Variants in SPHKAP observed in about 807,000 individuals in gnomAD.
SPHKAP encodes the protein SPHK1 interactor, AKAP domain containing, also known as A-kinase anchor protein SPHKAP.
Under a neutral mutation model 137.5 loss-of-function variants are expected in SPHKAP, and 67 were observed. The observed-to-expected ratio is 0.49, with a 90% CI of 0.40 to 0.60. The LOEUF is 0.60. SPHKAP is among the 20% of genes least tolerant of loss of function. The pLI, the probability that SPHKAP is intolerant of heterozygous loss-of-function variation, is 0.00. For missense variants in SPHKAP, 2,097 were observed against 2,069.3 expected (o/e 1.01, Z -0.26); for synonymous variants, 813 against 785.3 (o/e 1.04, Z -0.59).
At chr2:228,140,814 C>T (rs982923064) in intron 1 of SPHKAP, among the ~76,000 whole-genome samples, 10 of 152,094 alleles carry the variant, frequency 6.6e-5, no homozygotes, top group African/African-American at 2.4e-4. Context: ...CCCCCTCTCG[C>T]TCTCTTCTGC....
intron 3 of SPHKAP, among the ~76,000 whole-genome samples, chr2:228,093,567 A>C (rs1047641521): frequency 5.9e-5 from 9 of 152,296 alleles, no homozygotes; most frequent in African/African-American, 2.2e-4. Flanking sequence ...AAATGTATGT[A>C]AAGAGAAAAT....
intron 3 of SPHKAP, among the ~76,000 whole-genome samples, chr2:228,092,518 CA>C (rs1461776416): frequency 1.5e-5 from 1 of 67,370 alleles, no homozygotes; most frequent in Non-Finnish European, 2.9e-5. Context: ...ATATATGTGC[CA>C]TATATATGTA....
chr2:228,021,687 A>AG, intron 6 of SPHKAP, 24 bp downstream of exon 6: 1 of 1,567,062 alleles, frequency 6.4e-7, no homozygotes, highest in Non-Finnish European at 8.6e-7. Flanking sequence ...TAATTTCAGG[A>AG]GGCACTAATT....
chr2:228,024,003 G>T (rs937167122), intron 5 of SPHKAP, among the ~76,000 whole-genome samples: 1 of 152,136 alleles, frequency 6.6e-6, no homozygotes, highest in African/African-American at 2.4e-5. Context: ...TTCCTTGTGG[G>T]AGGAGCTTGT....
At chr2:228,011,576 G>A (rs1306448623) in intron 7 of SPHKAP, among the ~76,000 whole-genome samples, 2 of 152,168 alleles carry the variant, frequency 1.3e-5, no homozygotes, top group Non-Finnish European at 2.9e-5. Context: ...ATAGAAATGA[G>A]GGTAAATCAT....
chr2:228,092,548 A>G (rs1361968513), intron 3 of SPHKAP, among the ~76,000 whole-genome samples: 3 of 107,956 alleles, frequency 2.8e-5, no homozygotes, highest in Non-Finnish European at 3.9e-5. Flanking sequence ...TGTGCCATAT[A>G]TATGTGTATA....
At chr2:228,169,167 T>C (rs193028574) in intron 1 of SPHKAP, among the ~76,000 whole-genome samples, 1 of 152,282 alleles carries the variant, frequency 6.6e-6, no homozygotes, top group East Asian at 1.9e-4. Context: ...CAGCAAGTGC[T>C]GATGGAGAAG....
intron 3 of SPHKAP, among the ~76,000 whole-genome samples, chr2:228,035,130 C>G (rs1433820162): frequency 8.9e-5 from 13 of 146,882 alleles, no homozygotes; most frequent in Non-Finnish European, 1.8e-4. Flanking sequence ...ATCTAGAAAA[C>G]CCCATTGTCT....
At chr2:228,005,789 T>C (rs1471404466) in intron 7 of SPHKAP, among the ~76,000 whole-genome samples, 1 of 152,198 alleles carries the variant, frequency 6.6e-6, no homozygotes, top group Non-Finnish European at 1.5e-5. Flanking sequence ...TAAAGTATTT[T>C]ATTTCTCCTT....
intron 1 of SPHKAP, among the ~76,000 whole-genome samples, chr2:228,139,382 A>T (rs1259739793): frequency 6.6e-6 from 1 of 152,172 alleles, no homozygotes; most frequent in African/African-American, 2.4e-5. Context: ...ATTAGAAAAG[A>T]CAATCAAATA....
intron 7 of SPHKAP, among the ~76,000 whole-genome samples, chr2:227,999,956 C>T (rs1394321041): frequency 3.3e-5 from 5 of 152,198 alleles, no homozygotes; most frequent in African/African-American, 1.2e-4. Context: ...CTGTAATTTC[C>T]ATTAGGGTTC....
At chr2:227,995,952 G>A in intron 7 of SPHKAP, 5 of 985,040 alleles carry the variant, frequency 5.1e-6, no homozygotes, top group Non-Finnish European at 6.0e-6. Flanking sequence ...CAGGTTGAAT[G>A]TATGTAGCCT....
At chr2:228,025,603 A>G in intron 4 of SPHKAP, 75 bp from the exon 5 acceptor site, 2 of 1,552,682 alleles carry the variant, frequency 1.3e-6, no homozygotes, top group Non-Finnish European at 1.8e-6. Context: ...CTTTACCTTC[A>G]GAAATAATAC....
At chr2:228,021,191 T>C (rs1352858145) in intron 6 of SPHKAP, among the ~76,000 whole-genome samples, 2 of 152,214 alleles carry the variant, frequency 1.3e-5, no homozygotes, top group Non-Finnish European at 2.9e-5. Flanking sequence ...AGCACTTTCC[T>C]GGATTATCTC....
chr2:227,989,102 A>AG (rs1693318967), intron 11 of SPHKAP, among the ~76,000 whole-genome samples: 1 of 152,228 alleles, frequency 6.6e-6, no homozygotes, highest in Non-Finnish European at 1.5e-5. Flanking sequence ...TACTGTAAGC[A>AG]GGGACAAGAA....
At chr2:228,161,434 G>A (rs989149469) in intron 1 of SPHKAP, among the ~76,000 whole-genome samples, 36 of 152,166 alleles carry the variant, frequency 2.4e-4, no homozygotes, top group African/African-American at 7.5e-4. Flanking sequence ...AAAAAAGTTC[G>A]TAAGATATTT....
At chr2:228,180,632 C>G (rs935585624) in intron 1 of SPHKAP, among the ~76,000 whole-genome samples, 3 of 152,184 alleles carry the variant, frequency 2.0e-5, no homozygotes, top group African/African-American at 7.2e-5. Context: ...GCCAGGACAC[C>G]CTCTCCCTGG....
chr2:228,104,351 T>C (rs1162978599), intron 3 of SPHKAP, among the ~76,000 whole-genome samples: 2 of 146,062 alleles, frequency 1.4e-5, no homozygotes, highest in Non-Finnish European at 3.0e-5. Flanking sequence ...AAAATAATAT[T>C]AAATAATAAT....
chr2:228,006,354 C>A (rs1694130935), intron 7 of SPHKAP, among the ~76,000 whole-genome samples: 1 of 152,152 alleles, frequency 6.6e-6, no homozygotes. Context: ...CTTGTGCATT[C>A]ATCATGTAAT....
Sources: gnomAD v4.1 joint callset for allele counts (sites outside exome capture counted in the v4.1 genomes callset) on GRCh38, gnomAD v4.1.1 for gene constraint, MANE v1.5 for transcripts, NCBI Gene and HGNC (gene_info 2026-07-23, HGNC 2026-07-21) for gene names.